The following POC1B variants were observed in gnomAD, a reference collection of about 807,000 sequenced individuals.
POC1B encodes the protein POC1 centriolar protein homolog B.
In POC1B, 44 loss-of-function variants were observed where a neutral mutation model predicts 60.6. The ratio of observed to expected loss-of-function variants is 0.73; its 90% CI spans 0.57 to 0.93. The LOEUF (loss-of-function observed/expected upper bound fraction) is 0.93. Among genes scored for constraint, POC1B ranks in the 40% least tolerant of loss-of-function variants. POC1B has a pLI of 0.00. For missense variants in POC1B, 555 were observed against 572.3 expected (o/e 0.97, Z 0.31); for synonymous variants, 180 against 198.9 (o/e 0.90, Z 0.80).
At chr12:89,411,407 C>T in the POC1B span, among the ~76,000 whole-genome samples, 1 of 152,178 alleles carries the variant, frequency 6.6e-6, no homozygotes, top group Non-Finnish European at 1.5e-5. Flanking sequence ...AATTACTTCC[C>T]ATTGCTGATT....
chr12:89,500,763 G>T lies in POC1B; in HGVS notation c.101-3421C>A, dbSNP rs141486522. The T allele has an allele frequency of 2.8e-6, 3 of 1,066,504 alleles. No individual in the cohort carries two copies. The African/African-American group carries it at 4.8e-5, about 17-fold the overall frequency. 66.1% of individuals were successfully genotyped at this position (1,066,504 alleles called of 1,614,324 possible). A position where few individuals can be genotyped will look rare whatever the true frequency, so the allele number is the denominator to read the frequency against. On this transcript the variant is annotated intron_variant, in intron 2 of 11. Transcript: ENST00000313546. ...AAGAAAATAGAAATAGATAGAAATAGATAATAAAGTATCAGATAAAGAGGA... is the reference window on the plus strand; with the variant it reads ...AAGAAAATAGAAATAGATAGAAATATATAATAAAGTATCAGATAAAGAGGA...
intron 4 of POC1B, among the ~76,000 whole-genome samples, chr12:89,487,099 G>A (rs904677965): frequency 1.3e-5 from 2 of 152,130 alleles, no homozygotes; most frequent in African/African-American, 2.4e-5. Context: ...TCCCTCAGCA[G>A]TCACAGGCTT....
intron 2 of POC1B, among the ~76,000 whole-genome samples, chr12:89,513,591 C>T (rs577568716): frequency 3.2e-4 from 48 of 152,240 alleles, no homozygotes; most frequent in African/African-American, 9.9e-4. Context: ...TGGCCCTCTG[C>T]GAAAGGGATG....
At chr12:89,405,027 T>C in the POC1B span, among the ~76,000 whole-genome samples, 1 of 152,210 alleles carries the variant, frequency 6.6e-6, no homozygotes, top group Non-Finnish European at 1.5e-5. Context: ...CTCCAGCATA[T>C]GTAGAACACC....
chr12:89,463,236 G>A (rs1882542824), intron 9 of POC1B, among the ~76,000 whole-genome samples: 1 of 152,126 alleles, frequency 6.6e-6, no homozygotes, highest in Admixed American at 6.5e-5. Flanking sequence ...AAAGCCATCA[G>A]AACATTATTT....
intron 10 of POC1B, among the ~76,000 whole-genome samples, chr12:89,451,929 A>T (rs1279711942): frequency 6.6e-6 from 1 of 152,198 alleles, no homozygotes; most frequent in Non-Finnish European, 1.5e-5. Flanking sequence ...TTAGCTCCGT[A>T]GTAAACCATC....
At chr12:89,475,634 A>G (rs1215216406) in intron 4 of POC1B, among the ~76,000 whole-genome samples, 1 of 152,180 alleles carries the variant, frequency 6.6e-6, no homozygotes, top group African/African-American at 2.4e-5. Context: ...TCAGGGCTCA[A>G]ATAACATCTA....
chr12:89,497,819 T>C (rs1470739475), intron 2 of POC1B, among the ~76,000 whole-genome samples: 2 of 152,338 alleles, frequency 1.3e-5, no homozygotes, highest in East Asian at 3.9e-4. Context: ...ATAGTACAAA[T>C]AACACTAATA....
intron 9 of POC1B, 62 bp from the exon 10 acceptor site, chr12:89,459,780 T>A: frequency 1.1e-6 from 1 of 943,132 alleles, no homozygotes; most frequent in Non-Finnish European, 1.5e-6. Flanking sequence ...AAATACTATT[T>A]GTAAAAACCT....
intron 2 of POC1B, chr12:89,500,496 A>C: frequency 6.3e-7 from 1 of 1,597,532 alleles, no homozygotes; most frequent in Non-Finnish European, 8.6e-7. Context: ...GACTTGAAAA[A>C]AATGTGAAGT....
chr12:89,492,356 A>T (rs1476286008), intron 3 of POC1B, among the ~76,000 whole-genome samples: 1 of 152,134 alleles, frequency 6.6e-6, no homozygotes, highest in Non-Finnish European at 1.5e-5. Context: ...AAAACAAAAG[A>T]TGGGGAAAAT....
chr12:89,478,213 G>A (rs1261406377), intron 4 of POC1B, among the ~76,000 whole-genome samples: 1 of 152,168 alleles, frequency 6.6e-6, no homozygotes, highest in Non-Finnish European at 1.5e-5. Context: ...GGGTTCAAGC[G>A]ATTCTCATGC....
chr12:89,418,419 G>A (rs1364609549), downstream of POC1B, among the ~76,000 whole-genome samples: 1 of 152,188 alleles, frequency 6.6e-6, no homozygotes, highest in Non-Finnish European at 1.5e-5. Flanking sequence ...GTGCTGAAGA[G>A]CCACGTGCTT....
chr12:89,457,937 T>C (rs1882323004), intron 10 of POC1B, among the ~76,000 whole-genome samples: 1 of 152,192 alleles, frequency 6.6e-6, no homozygotes, highest in African/African-American at 2.4e-5. Flanking sequence ...TGATCTACAA[T>C]AGATATGTAC....
chr12:89,473,442 A>G (rs1464179151), intron 4 of POC1B, among the ~76,000 whole-genome samples: 4 of 152,178 alleles, frequency 2.6e-5, no homozygotes, highest in Non-Finnish European at 4.4e-5. Flanking sequence ...AGGCTGAGGC[A>G]GGCGGATCAC....
At chr12:89,434,401 T>C (rs1012120464) in intron 10 of POC1B, among the ~76,000 whole-genome samples, 1 of 152,364 alleles carries the variant, frequency 6.6e-6, no homozygotes, top group East Asian at 1.9e-4. Flanking sequence ...TTGTCTTTAA[T>C]CTTTATTATA....
At chr12:89,480,898 C>A (rs1252645095) in intron 4 of POC1B, among the ~76,000 whole-genome samples, 2 of 151,440 alleles carry the variant, frequency 1.3e-5, no homozygotes, top group Non-Finnish European at 2.9e-5. Flanking sequence ...CCACGCCCAG[C>A]CTAATTTTTG....
At chr12:89,519,475 G>C (rs1429148486) in intron 2 of POC1B, 1 of 151,958 alleles carries the variant, frequency 6.6e-6, no homozygotes, top group East Asian at 1.9e-4. Context: ...AATACAAAAG[G>C]AAAAAAGTCA....
chr12:89,436,921 T>C (rs541005169), intron 10 of POC1B, among the ~76,000 whole-genome samples: 1 of 152,298 alleles, frequency 6.6e-6, no homozygotes, highest in South Asian at 2.1e-4. Context: ...CAGATTTCTG[T>C]ACTGGATGCT....
Sources: allele counts gnomAD v4.1 joint callset (sites outside exome capture counted in the v4.1 genomes callset), GRCh38; gene constraint gnomAD v4.1.1; transcripts MANE v1.5; gene names NCBI Gene and HGNC (gene_info 2026-07-23, HGNC 2026-07-21).